The following ATOSA variants were observed in gnomAD, a reference collection of about 807,000 sequenced individuals.
ATOSA encodes the protein atos homolog protein A.
At chr15:52,615,767 T>C in the ATOSA span, among the ~76,000 whole-genome samples, 1 of 152,174 alleles carries the variant, frequency 6.6e-6, no homozygotes, top group Non-Finnish European at 1.5e-5. Flanking sequence ...AAAGTGACCA[T>C]TTGGAACATA....
the ATOSA span, among the ~76,000 whole-genome samples, chr15:52,696,023 A>G: frequency 1.1e-4 from 16 of 152,196 alleles, no homozygotes; most frequent in Non-Finnish European, 1.8e-4. Context: ...TTTAGGGACT[A>G]TCATAAGGAC....
chr15:52,655,720 C>CAG, the ATOSA span, among the ~76,000 whole-genome samples: 7 of 152,054 alleles, frequency 4.6e-5, no homozygotes, highest in African/African-American at 1.7e-4. Context: ...GGATAATGTT[C>CAG]AGATATGGTA....
At chr15:52,591,053 G>A in the ATOSA span, among the ~76,000 whole-genome samples, 2 of 152,138 alleles carry the variant, frequency 1.3e-5, no homozygotes, top group East Asian at 1.9e-4. Flanking sequence ...ATCAACTAAG[G>A]TGAAAGATTA....
chr15:52,705,084 G>A, the ATOSA span, among the ~76,000 whole-genome samples: 762 of 152,300 alleles, frequency 5.0e-3, 7 homozygotes, highest in African/African-American at 0.015. Flanking sequence ...ATTCACAATA[G>A]CAAAGACTTG....
At chr15:52,697,372 T>G in the ATOSA span, among the ~76,000 whole-genome samples, 1 of 152,240 alleles carries the variant, frequency 6.6e-6, no homozygotes, top group African/African-American at 2.4e-5. Flanking sequence ...CTTACAGCAG[T>G]CTTGGTTGCC....
At chr15:52,627,833 A>C in the ATOSA span, among the ~76,000 whole-genome samples, 1 of 152,184 alleles carries the variant, frequency 6.6e-6, no homozygotes, top group South Asian at 2.1e-4. Flanking sequence ...CAGTATCTTA[A>C]GAGAATTTAT....
At chr15:52,654,378 A>C in the ATOSA span, among the ~76,000 whole-genome samples, 6 of 152,152 alleles carry the variant, frequency 3.9e-5, no homozygotes, top group African/African-American at 1.4e-4. Flanking sequence ...TTTTTGAAAA[A>C]AGTTTGCTTT....
the ATOSA span, among the ~76,000 whole-genome samples, chr15:52,690,561 C>A: frequency 6.6e-6 from 1 of 152,146 alleles, no homozygotes; most frequent in Non-Finnish European, 1.5e-5. Flanking sequence ...ACAAAGTGAA[C>A]AACAGAAAGA....
the ATOSA span, among the ~76,000 whole-genome samples, chr15:52,674,666 T>G: frequency 6.6e-6 from 1 of 152,150 alleles, no homozygotes; most frequent in Non-Finnish European, 1.5e-5. Context: ...TAAAAAATTA[T>G]TAATCTGCTC....
At chr15:52,581,888 G>T in the ATOSA span, 1 of 315,742 alleles carries the variant, frequency 3.2e-6, no homozygotes, top group Non-Finnish European at 5.7e-6. Context: ...CTGAGAAAAT[G>T]TGTAAACACT....
the ATOSA span, among the ~76,000 whole-genome samples, chr15:52,694,666 TA>T: frequency 7.3e-5 from 11 of 150,516 alleles, no homozygotes; most frequent in Admixed American, 3.3e-4. Context: ...TTTTTTTAAT[TA>T]AAAAAAAATA....
the ATOSA span, among the ~76,000 whole-genome samples, chr15:52,610,609 T>A: frequency 2.6e-5 from 4 of 152,210 alleles, no homozygotes; most frequent in African/African-American, 9.7e-5. Context: ...GAACACCAGA[T>A]CACTTAAGCA....
At chr15:52,704,137 T>C in the ATOSA span, among the ~76,000 whole-genome samples, 1 of 152,272 alleles carries the variant, frequency 6.6e-6, no homozygotes, top group Non-Finnish European at 1.5e-5. Flanking sequence ...CAAAACAGCA[T>C]GGTACTGGTA....
At chr15:52,641,056 A>C in the ATOSA span, among the ~76,000 whole-genome samples, 1 of 152,218 alleles carries the variant, frequency 6.6e-6, no homozygotes, top group South Asian at 2.1e-4. Flanking sequence ...TGGAGAATGA[A>C]ACCATTTACC....
the ATOSA span, among the ~76,000 whole-genome samples, chr15:52,665,980 A>C: frequency 6.6e-6 from 1 of 152,208 alleles, no homozygotes; most frequent in Non-Finnish European, 1.5e-5. Flanking sequence ...TTAATTAAAA[A>C]ATATACTATT....
chr15:52,595,470 C>G, the ATOSA span, among the ~76,000 whole-genome samples: 1 of 151,244 alleles, frequency 6.6e-6, no homozygotes, highest in Non-Finnish European at 1.5e-5. Context: ...CTGACTTTAT[C>G]TGAGATATTT....
chr15:52,614,755 G>T, the ATOSA span, among the ~76,000 whole-genome samples: 1 of 151,942 alleles, frequency 6.6e-6, no homozygotes, highest in Admixed American at 6.6e-5. Flanking sequence ...GGCTGAGGCA[G>T]GAGAATCTCT....
the ATOSA span, among the ~76,000 whole-genome samples, chr15:52,638,983 T>C: frequency 1.3e-5 from 2 of 151,432 alleles, no homozygotes; most frequent in South Asian, 2.1e-4. Flanking sequence ...GAAGCACTGA[T>C]TATGAAGAAA....
At chr15:52,587,095 G>C in the ATOSA span, 1 of 1,608,996 alleles carries the variant, frequency 6.2e-7, no homozygotes, top group Non-Finnish European at 8.5e-7. Context: ...AAAGGGCTAA[G>C]TTCTATATGT....
Sources: allele counts gnomAD v4.1 joint callset (sites outside exome capture counted in the v4.1 genomes callset), GRCh38; gene constraint gnomAD v4.1.1; transcripts MANE v1.5; gene names NCBI Gene and HGNC (gene_info 2026-07-23, HGNC 2026-07-21).